The following RAPGEF4 variants were observed in gnomAD, a reference collection of about 807,000 sequenced individuals.
The protein encoded by RAPGEF4 is RAP guanine-nucleotide-exchange factor (GEF) 4.
RAPGEF4 carries 66 observed loss-of-function variants against 147.9 expected under a neutral mutation model. That is an observed-to-expected ratio of 0.45 (90% CI 0.37 to 0.55). RAPGEF4 has a LOEUF of 0.55. Among genes scored for constraint, RAPGEF4 ranks in the 20% least tolerant of loss-of-function variants. The pLI is 0.00. For synonymous variants in RAPGEF4, 419 were observed against 442.7 expected, an observed-to-expected ratio of 0.95 and a Z score of 0.67; for missense variants, 1,071 against 1,257.3, an observed-to-expected ratio of 0.85 and a Z score of 2.24.
In RAPGEF4 at chr2:172,922,217, A is replaced by C. The variant is rs947597119; in HGVS notation, c.518-64A>C. The C allele has an allele frequency of 2.1e-5, 32 of 1,524,780 alleles. 1 individual carries two copies. In the South Asian group the frequency reaches 2.7e-4, roughly 13 times the overall value. 94.5% of individuals were successfully genotyped at this position (1,524,780 alleles called of 1,614,324 possible). ...ACTTGGTTTGGTTCAGCAAAATTTCAATTCCACTTTACCGGTTGATTATAC... is the reference window on the plus strand; with the variant it reads ...ACTTGGTTTGGTTCAGCAAAATTTCCATTCCACTTTACCGGTTGATTATAC... On this transcript the variant is annotated intron_variant, in intron 5 of 30. Coordinates refer to ENST00000397081, the MANE Select transcript of RAPGEF4 (RefSeq NM_007023.4).
At chr2:172,913,214 G>A (rs1683648224) in intron 4 of RAPGEF4, among the ~76,000 whole-genome samples, 1 of 152,018 alleles carries the variant, frequency 6.6e-6, no homozygotes, top group South Asian at 2.1e-4. Context: ...TCTTTAAACT[G>A]TCATCAAATC....
intron 4 of RAPGEF4, among the ~76,000 whole-genome samples, chr2:172,826,719 C>A (rs1442811079): frequency 6.6e-6 from 1 of 152,112 alleles, no homozygotes; most frequent in Non-Finnish European, 1.5e-5. Context: ...GTAATCCCAG[C>A]ACTTTGGGAG....
At chr2:172,743,951 T>G (rs1694540312) in intron 1 of RAPGEF4, among the ~76,000 whole-genome samples, 1 of 152,224 alleles carries the variant, frequency 6.6e-6, no homozygotes, top group South Asian at 2.1e-4. Flanking sequence ...TCTAAAGCAT[T>G]CTTTGTTTGG....
At chr2:172,854,974 A>G (rs1559077684) in intron 4 of RAPGEF4, among the ~76,000 whole-genome samples, 1 of 152,136 alleles carries the variant, frequency 6.6e-6, no homozygotes, top group East Asian at 1.9e-4. Flanking sequence ...CCTCCCTACC[A>G]TGCTTATCAT....
intron 1 of RAPGEF4, among the ~76,000 whole-genome samples, chr2:172,751,247 G>T (rs1257806130): frequency 6.6e-6 from 1 of 152,216 alleles, no homozygotes; most frequent in African/African-American, 2.4e-5. Flanking sequence ...CTTACCATGT[G>T]CCAGTCACTC....
intron 4 of RAPGEF4, among the ~76,000 whole-genome samples, chr2:172,832,680 A>C (rs904839526): frequency 2.0e-5 from 3 of 152,190 alleles, no homozygotes; most frequent in Admixed American, 1.3e-4. Flanking sequence ...GGCAGTGGAA[A>C]CTTTGCACAA....
rs1219019206 is a variant in RAPGEF4 at position 173,020,649 on chromosome 2, A to C, written c.2187A>C (p.Ser729=). The C allele has an allele frequency of 6.2e-7, 1 of 1,613,444 alleles. No individual in the cohort carries two copies. The highest frequency in any genetic ancestry group is 8.5e-7 in the Non-Finnish European group (1 of 1,179,832). Residue 729 remains serine (S), a synonymous_variant, in exon 23 of 31, where the codon TCA becomes TCC. Transcript: ENST00000397081. ...EKVVLKPNDV[S]VFTTLTINGR... Reference sequence around the variant, plus strand: ...TGGTGCTCAAACCTAATGATGTTTCAGTATTTACGACGCTCACCATTAATG... The same window carrying C: ...TGGTGCTCAAACCTAATGATGTTTCCGTATTTACGACGCTCACCATTAATG...
intron 1 of RAPGEF4, among the ~76,000 whole-genome samples, chr2:172,750,721 A>T (rs1695207221): frequency 6.6e-6 from 1 of 152,048 alleles, no homozygotes; most frequent in Non-Finnish European, 1.5e-5. Flanking sequence ...TTTGATTTGC[A>T]TTTCTCTGAT....
chr2:172,818,287 CTT>C (rs940199703), intron 4 of RAPGEF4, among the ~76,000 whole-genome samples: 1 of 152,054 alleles, frequency 6.6e-6, no homozygotes, highest in African/African-American at 2.4e-5. Flanking sequence ...CACTAAAAAA[CTT>C]ATTCATGTAA....
intron 1 of RAPGEF4, among the ~76,000 whole-genome samples, chr2:172,770,486 C>G (rs1265751291): frequency 6.6e-6 from 1 of 152,144 alleles, no homozygotes; most frequent in Non-Finnish European, 1.5e-5. Flanking sequence ...TTGATGGGCC[C>G]TAATGAAAAC....
chr2:172,983,628 G>A (rs374736376), intron 11 of RAPGEF4, 48 bp downstream of exon 11: 2 of 1,606,352 alleles, frequency 1.2e-6, no homozygotes, highest in African/African-American at 1.3e-5. Flanking sequence ...TGCAATAAAT[G>A]CACTGTTAGG....
intron 3 of RAPGEF4, among the ~76,000 whole-genome samples, chr2:172,802,299 T>G (rs1408291680): frequency 6.6e-6 from 1 of 152,166 alleles, no homozygotes; most frequent in Non-Finnish European, 1.5e-5. Flanking sequence ...ACAAAAGAAA[T>G]GAGTTTATTG....
At chr2:172,735,546 T>A (rs980484526), upstream of RAPGEF4, 1 of 152,236 alleles carries the variant, frequency 6.6e-6, no homozygotes, top group African/African-American at 2.4e-5. Context: ...CTCCCCACTC[T>A]GCCTTGGCGC....
At chr2:172,779,978 C>T (rs1684528773) in intron 1 of RAPGEF4, among the ~76,000 whole-genome samples, 2 of 152,166 alleles carry the variant, frequency 1.3e-5, no homozygotes, top group African/African-American at 4.8e-5. Flanking sequence ...TTTGGTCCAA[C>T]TTCTTACATG....
At chr2:172,847,242 T>C (rs910530403) in intron 4 of RAPGEF4, among the ~76,000 whole-genome samples, 1 of 152,196 alleles carries the variant, frequency 6.6e-6, no homozygotes, top group Non-Finnish European at 1.5e-5. Context: ...CACTGCTTCC[T>C]GGAACACAAG....
chr2:172,811,189 G>A (rs926551293), intron 3 of RAPGEF4, among the ~76,000 whole-genome samples: 1 of 152,228 alleles, frequency 6.6e-6, no homozygotes, highest in Non-Finnish European at 1.5e-5. Flanking sequence ...CTGCCCTCAG[G>A]CAGAGCAAGG....
intron 14 of RAPGEF4, among the ~76,000 whole-genome samples, chr2:172,989,991 T>G (rs1025868614): frequency 6.8e-6 from 1 of 147,228 alleles, no homozygotes; most frequent in Admixed American, 6.9e-5. Flanking sequence ...CAACTAAGTT[T>G]GTCTTAGGAA....
intron 15 of RAPGEF4, among the ~76,000 whole-genome samples, chr2:172,995,430 C>T (rs1693254032): frequency 6.6e-6 from 1 of 152,130 alleles, no homozygotes; most frequent in Non-Finnish European, 1.5e-5. Context: ...CAGGCATGTG[C>T]CACCACGCCC....
chr2:173,018,633 A>G (rs1695727968), intron 21 of RAPGEF4, 23 bp from the exon 22 acceptor site: 4 of 1,596,830 alleles, frequency 2.5e-6, no homozygotes, highest in Middle Eastern at 1.7e-4. Flanking sequence ...GTGATTTACT[A>G]CCTTGTTACT....
Sources: allele counts gnomAD v4.1 joint callset (sites outside exome capture counted in the v4.1 genomes callset), GRCh38; gene constraint gnomAD v4.1.1; transcripts MANE v1.5; gene names NCBI Gene and HGNC (gene_info 2026-07-23, HGNC 2026-07-21).